IFT172: variants seen among roughly 807,000 people sequenced by gnomAD.
IFT172 encodes intraflagellar transport 172.
A neutral mutation model predicts 248.9 loss-of-function variants in IFT172; 164 were observed. That is an observed-to-expected ratio of 0.66 (90% CI 0.58 to 0.75). The LOEUF (loss-of-function observed/expected upper bound fraction) is 0.75. Ranked by LOEUF, IFT172 falls within the 30% of genes least tolerant of loss-of-function variation. The pLI, the probability that IFT172 is intolerant of heterozygous loss-of-function variation, is 0.00. For synonymous variants in IFT172, 729 were observed against 791.6 expected (o/e 0.92, Z 1.33); for missense variants, 1,950 against 2,192.4 (o/e 0.89, Z 2.21).
intron 42 of IFT172, among the ~76,000 whole-genome samples, chr2:27,447,071 G>A (rs1665202791): frequency 6.6e-6 from 1 of 151,810 alleles, no homozygotes; most frequent in South Asian, 2.1e-4. Flanking sequence ...TCGAACTCCT[G>A]GCCTCAAGTG....
intron 9 of IFT172, 118 bp from the exon 10 acceptor site, chr2:27,479,722 A>G (rs760972657): frequency 1.3e-6 from 1 of 765,690 alleles, no homozygotes; most frequent in Non-Finnish European, 2.2e-6. Flanking sequence ...TGGCAGTGAA[A>G]GAGCTGGCAG....
chr2:27,470,947 A>ACT lies in IFT172; in HGVS notation c.1671_1672dup (p.Val558GlufsTer12), dbSNP rs587777083. 2 of 1,606,150 alleles carry ACT rather than the reference A, an allele frequency of 1.2e-6. No individual in the cohort carries two copies. Among genetic ancestry groups the ACT allele is most frequent in the Non-Finnish European group, 1.7e-6 (2 of 1,177,620 alleles). On this transcript the variant is annotated frameshift_variant, in exon 16 of 48. Coordinates refer to ENST00000260570, the MANE Select transcript of IFT172 (RefSeq NM_015662.3). LOFTEE classifies it high-confidence loss of function. ...ACATACCCTAATAGTGAACATGGTG[A>ACT]CTCTCTCAGGTGCCTCAATGTTGTA...
At chr2:27,448,881 G>C in intron 40 of IFT172, 34 bp downstream of exon 40, 1 of 999,324 alleles carries the variant, frequency 1.0e-6, no homozygotes, top group Non-Finnish European at 1.6e-6. Flanking sequence ...GAGCTTTCTT[G>C]TGGAAACATT....
Position 27,462,721 on chromosome 2 carries a change from C to T in IFT172, c.2095G>A (p.Glu699Lys), listed in dbSNP as rs1319038813. ...AMLEKNYKLAEMIFLEQNAVE... is the reference protein window; with the variant it reads ...AMLEKNYKLAKMIFLEQNAVE... ...ATTACCTGTTCCAAAAAGATCATTT[C>T]AGCCAGTTTGTAGTTCTTTTCCAGC... The change falls in exon 20 of 48, where the codon GAA (glutamate) becomes AAA (lysine). Residue 699 changes from glutamate (E) to lysine (K), a missense_variant. Physicochemically the swap from Glu to Lys is moderately conservative, Grantham distance 56 (BLOSUM62 1). Around this residue, in one of 3 missense-constraint regions of IFT172, gnomAD observed 1,166 missense variants for 1,254.1 expected, o/e 0.93. Transcript: ENST00000260570. 1 of 1,613,872 alleles carries T rather than the reference C, an allele frequency of 6.2e-7. No homozygotes were observed. Among genetic ancestry groups the T allele is most frequent in the East Asian group, 2.2e-5 (1 of 44,876 alleles).
At position 27,472,345 on chromosome 2, in the gene IFT172, A is replaced by G. The variant is rs2148531702; in HGVS notation, c.1429T>C (p.Tyr477His). 2 of 1,614,062 alleles carry G rather than the reference A, an allele frequency of 1.2e-6. No individual in the cohort carries two copies. The highest frequency in any genetic ancestry group is 1.3e-5 in the African/African-American group (1 of 75,068). The change falls in exon 15 of 48, where the codon TAC (tyrosine) becomes CAC (histidine). Residue 477 changes from tyrosine (Y) to histidine (H), a missense_variant. Tyr to His is a moderately conservative substitution (Grantham distance 83). Transcript: ENST00000260570. ...TIAIVDLIGG[Y>H]NIGTVSHESR... The stretch of plus-strand genomic sequence containing the variant: ...TCATGGCTGACGGTGCCAATGTTGT[A>G]GCCACCAATCAGATCCACTATAGAA...
chr2:27,451,034 A>G (rs1162404233), intron 35 of IFT172, among the ~76,000 whole-genome samples: 1 of 147,804 alleles, frequency 6.8e-6, no homozygotes, highest in Non-Finnish European at 1.5e-5. Flanking sequence ...GGCCTGCATT[A>G]TATTTCTAGT....
chr2:27,445,349 G>C lies in IFT172; in HGVS notation c.5015C>G (p.Ala1672Gly), dbSNP rs2148465580. ...ACCAGTGCTCGCTGCCACTAGGGAG[G>C]CCTCGTAGGCGCCACGCTCATCCCG... Reference protein sequence around the residue: ...LPRDERGAYEASLVAASTGVR... With the variant: ...LPRDERGAYEGSLVAASTGVR... The change falls in exon 46 of 48, where the codon GCC becomes GGC. Residue 1672 changes from alanine (A) to glycine (G), a missense_variant. Transcript: ENST00000260570. The surrounding 1 kb of genome is among the most constrained non-coding windows in gnomAD (Gnocchi z 4.4). 1.2e-6 allele frequency: 2 copies of C among 1,613,482 alleles called. No homozygotes were observed. Among genetic ancestry groups the C allele is most frequent in the Non-Finnish European group, 1.7e-6 (2 of 1,179,870 alleles).
At chr2:27,455,739 G>A in intron 30 of IFT172, 1 of 410,634 alleles carries the variant, frequency 2.4e-6, no homozygotes, top group Non-Finnish European at 4.6e-6. Flanking sequence ...AAAAATGGCA[G>A]AATAATCTGC....
chr2:27,484,340 C>T, intron 3 of IFT172, 74 bp from the exon 4 acceptor site: 1 of 1,542,696 alleles, frequency 6.5e-7, no homozygotes, highest in Admixed American at 1.7e-5. Context: ...GCCTGTAATC[C>T]CAGCACTTTG....
At chr2:27,471,257 C>A in intron 15 of IFT172, 162 bp from the exon 16 acceptor site, 1 of 605,662 alleles carries the variant, frequency 1.7e-6, no homozygotes, top group East Asian at 3.0e-5. Context: ...GCTGGTATAT[C>A]CTAACTCTGG....
At chr2:27,478,296 G>C in intron 10 of IFT172, 140 bp from the exon 11 acceptor site, 2 of 913,598 alleles carry the variant, frequency 2.2e-6, no homozygotes, top group Non-Finnish European at 3.3e-6. Context: ...ATTGTTGATA[G>C]TAATGATATC....
chr2:27,444,503 A>G lies in IFT172; in HGVS notation c.5179T>C (p.Cys1727Arg), dbSNP rs149614625. 62 of 1,613,514 alleles carry G rather than the reference A, an allele frequency of 3.8e-5. No individual in the cohort carries two copies. Among genetic ancestry groups the G allele is most frequent in the Non-Finnish European group, 4.9e-5 (58 of 1,179,786 alleles). Residue 1727 changes from cysteine to arginine, a missense_variant, in exon 48 of 48, where the codon TGC becomes CGC. Physicochemically the swap from Cys to Arg is radical, Grantham distance 180. Transcript: ENST00000260570. ...MAIKTSHSPV[C>R]QDVLKFISQW... ...CTGATGAATTTCAGCACGTCCTGGC[A>G]CACTGGGCTGTGGGAGGTCTGTGAG...
intron 23 of IFT172, among the ~76,000 whole-genome samples, 160 bp downstream of exon 23, chr2:27,460,855 A>G (rs1201714225): frequency 2.7e-5 from 4 of 147,384 alleles, no homozygotes; most frequent in African/African-American, 1.0e-4. Context: ...TTCTTTCTCT[A>G]TACTTTGTCT....
In IFT172 at chr2:27,447,566, C is replaced by T; in HGVS notation, c.4608G>A (p.Leu1536=). The T allele has an allele frequency of 6.2e-7, 1 of 1,614,144 alleles. No individual in the cohort carries two copies. Among genetic ancestry groups the T allele is most frequent in the Non-Finnish European group, 8.5e-7 (1 of 1,180,024 alleles). Residue 1536 remains leucine, a synonymous_variant, in exon 42 of 48, where the codon CTG becomes CTA. Coordinates refer to ENST00000260570, the MANE Select transcript of IFT172 (RefSeq NM_015662.3). The part of the protein sequence containing the change: ...PAHEEFKTML[L]IAHYYATRSA... ...AGCGCGTGGCATAGTAATGAGCGAT[C>T]AGCAGCATCGTCTTGAACTCCTCAT...
chr2:27,447,756 G>A (rs1665278758), intron 41 of IFT172, 56 bp downstream of exon 41: 1 of 1,596,432 alleles, frequency 6.3e-7, no homozygotes, highest in Admixed American at 1.7e-5. Context: ...AGGTTTATGT[G>A]CATCAAAGAA....
At chr2:27,453,207 A>C (rs1362624660) in intron 35 of IFT172, 177 bp downstream of exon 35, 23 of 875,776 alleles carry the variant, frequency 2.6e-5, no homozygotes, top group Non-Finnish European at 4.3e-5. Flanking sequence ...TCTTATATCC[A>C]CTTTTATAGC....
chr2:27,474,794 C>T (rs1176939895), intron 14 of IFT172, among the ~76,000 whole-genome samples: 1 of 151,956 alleles, frequency 6.6e-6, no homozygotes, highest in East Asian at 1.9e-4. Context: ...TCAGGTGATC[C>T]GCCTGCCTTG....
At position 27,478,103 on chromosome 2, in the gene IFT172, A is replaced by AT. The variant is rs1337535320; in HGVS notation, c.1058dup (p.Tyr353Ter). 6.2e-7 allele frequency: 1 copy of AT among 1,614,002 alleles called. No homozygotes were observed. The highest frequency in any genetic ancestry group is 8.5e-7 in the Non-Finnish European group (1 of 1,180,026). ...TTTTCACCTCTTCCACCTCATAGCC[A>AT]TAGTGTGACTTGAGCACCACTCGGG... ...SGTRVVLKSHYGYEVEEVKIL... is the reference protein window; with the variant it reads ...SGTRVVLKSH Residue 353 changes from tyrosine to a stop codon, truncating the protein, a stop_gained and frameshift_variant, in exon 11 of 48, where the codon TAT becomes TAAT. Transcript: ENST00000260570. LOFTEE classifies it high-confidence loss of function.
intron 14 of IFT172, chr2:27,475,625 T>A (rs1233364478): frequency 2.0e-5 from 3 of 152,182 alleles, no homozygotes; most frequent in Non-Finnish European, 1.5e-5. Flanking sequence ...AGCTAACATT[T>A]ATTATTATGT....
Sources: gnomAD v4.1 joint callset for allele counts (sites outside exome capture counted in the v4.1 genomes callset) on GRCh38, gnomAD v4.1.1 for gene constraint, gnomAD v4.1.1 regional missense constraint, Gnocchi (gnomAD v3.1) non-coding constraint, MANE v1.5 for transcripts, NCBI Gene and HGNC (gene_info 2026-07-23, HGNC 2026-07-21) for gene names.